EGF: variants seen among roughly 807,000 people sequenced by gnomAD.
EGF encodes epidermal growth factor.
EGF carries 95 observed loss-of-function variants against 143.8 expected under a neutral mutation model. The observed-to-expected ratio is 0.66, with a 90% CI of 0.56 to 0.78. The LOEUF (loss-of-function observed/expected upper bound fraction) is 0.78. Among genes scored for constraint, EGF ranks in the 30% least tolerant of loss-of-function variants. The probability of loss-of-function intolerance (pLI) is 0.00; values close to 1 mark genes in which losing one functional copy is unlikely to be tolerated. For missense variants in EGF, 1,320 were observed against 1,470.9 expected, an observed-to-expected ratio of 0.90 and a Z score of 1.68; for synonymous variants, 510 against 510.5, an observed-to-expected ratio of 1.00 and a Z score of 0.01.
Position 109,960,912 on chromosome 4 carries a change from G to C in EGF, c.1112G>C (p.Cys371Ser), listed in dbSNP as rs750565511. 6.6e-5 allele frequency: 106 copies of C among 1,613,816 alleles called. No homozygotes were observed. Among genetic ancestry groups the C allele is most frequent in the Non-Finnish European group, 8.7e-5 (103 of 1,179,890 alleles). ...TGGAATCATGGCTGTACTCTTGGGT[G>C]TAAAAACACCCCTGGATCCTATTAC... is the stretch of plus-strand genomic sequence containing the variant. ...AFWNHGCTLG[C>S]KNTPGSYYCT... Residue 371 changes from cysteine to serine, a missense_variant, in exon 7 of 24, where the codon TGT (cysteine) becomes TCT (serine). Transcript: ENST00000265171.
intron 15 of EGF, among the ~76,000 whole-genome samples, chr4:109,981,711 A>G (rs942675784): frequency 6.6e-6 from 1 of 152,196 alleles, no homozygotes; most frequent in African/African-American, 2.4e-5. Context: ...AATAAACAAA[A>G]GTTATGCAAT....
intron 1 of EGF, among the ~76,000 whole-genome samples, chr4:109,928,744 G>C (rs1234748605): frequency 6.6e-6 from 1 of 152,134 alleles, no homozygotes; most frequent in African/African-American, 2.4e-5. Flanking sequence ...GAATTTGGTT[G>C]TCCTATTGCT....
At chr4:109,969,213 A>T in intron 11 of EGF, 94 bp downstream of exon 11, 1 of 1,558,476 alleles carries the variant, frequency 6.4e-7, no homozygotes, top group South Asian at 1.1e-5. Flanking sequence ...ACACAGAAAA[A>T]TGTTGCTGGG....
chr4:109,989,887 G>T (rs1476107461), intron 18 of EGF, among the ~76,000 whole-genome samples: 1 of 151,902 alleles, frequency 6.6e-6, no homozygotes, highest in Non-Finnish European at 1.5e-5. Context: ...GAAAGCAGTG[G>T]GCTTGCTCCT....
In EGF at chr4:110,011,534, A is replaced by G. The variant is rs1235926876; in HGVS notation, c.*79A>G. The stretch of plus-strand genomic sequence containing the variant: ...TCTTTTCTTTCAAAAGTAGAGCAAA[A>G]CTATAGGTTTTGGTTCCACAATCTC... On this transcript the variant is annotated 3_prime_UTR_variant, in exon 24 of 24. Coordinates refer to ENST00000265171, the MANE Select transcript of EGF (RefSeq NM_001963.6). 1 of 1,608,516 alleles carries G rather than the reference A, an allele frequency of 6.2e-7. No individual in the cohort carries two copies. The highest frequency in any genetic ancestry group is 8.5e-7 in the Non-Finnish European group (1 of 1,177,886).
chr4:109,922,718 G>C (rs1468315334), intron 1 of EGF, among the ~76,000 whole-genome samples: 5 of 151,642 alleles, frequency 3.3e-5, no homozygotes, highest in African/African-American at 1.2e-4. Flanking sequence ...AACGCCCTAT[G>C]TCTGGCATGT....
chr4:110,008,231 G>A lies in EGF; in HGVS notation c.3370+1G>A. On this transcript the variant is annotated splice_donor_variant, in intron 23 of 23. Coordinates refer to ENST00000265171, the MANE Select transcript of EGF (RefSeq NM_001963.6). LOFTEE classifies it high-confidence loss of function. ...GGTGAGGATGGCCAGGCAGCAGATG[G>A]TCAGTTTTTATCCCTGGCTCCTGGT... is the stretch of plus-strand genomic sequence containing the variant. The A allele has an allele frequency of 1.9e-6, 3 of 1,613,964 alleles. No homozygotes were observed. The highest frequency in any genetic ancestry group is 2.5e-6 in the Non-Finnish European group (3 of 1,179,950).
At chr4:109,948,226 G>A (rs1486953358) in intron 5 of EGF, among the ~76,000 whole-genome samples, 1 of 152,220 alleles carries the variant, frequency 6.6e-6, no homozygotes, top group Admixed American at 6.5e-5. Flanking sequence ...ATTGGAGATT[G>A]GCTCCAGTTA....
chr4:110,004,612 C>T lies in EGF; in HGVS notation c.3281C>T (p.Pro1094Leu). ...ADTEDGMSSC[P>L]QPWFVVIKEH... is the part of the protein sequence containing the mutation. ...ACTGAGGATGGGATGTCCTCTTGCC[C>T]TCAACCTTGGGTAATGTGACCAAAG... The change falls in exon 22 of 24, where the codon CCT (proline) becomes CTT (leucine). Residue 1094 changes from proline (P) to leucine (L), a missense_variant. By Grantham distance (98) the Pro-to-Leu change is moderately conservative. Around this residue, in one of 5 missense-constraint regions of EGF, gnomAD observed 1,186 missense variants for 1,313.7 expected, o/e 0.90. Coordinates refer to ENST00000265171, the MANE Select transcript of EGF (RefSeq NM_001963.6). 3.1e-6 allele frequency: 5 copies of T among 1,613,864 alleles called. No homozygotes were observed. The highest frequency in any genetic ancestry group is 2.2e-5 in the East Asian group (1 of 44,892).
At position 109,976,153 on chromosome 4, in the gene EGF, C is replaced by T. The variant is rs1388074999; in HGVS notation, c.1971C>T (p.Tyr657=). The part of the protein sequence containing the change: ...ITIDFLTDKL[Y]WCDAKQSVIE... ...TTGACTTCTTAACTGACAAGTTGTA[C>T]TGGTGCGATGCCAAGCAGTCTGTGA... The change falls in exon 13 of 24, where the codon TAC becomes TAT. Residue 657 remains tyrosine, a synonymous_variant. Transcript: ENST00000265171. The T allele has an allele frequency of 1.9e-6, 3 of 1,614,150 alleles. No homozygotes were observed. Among genetic ancestry groups the T allele is most frequent in the South Asian group, 2.2e-5 (2 of 91,084 alleles).
intron 5 of EGF, among the ~76,000 whole-genome samples, chr4:109,954,975 G>A (rs1560685230): frequency 6.6e-6 from 1 of 152,198 alleles, no homozygotes; most frequent in South Asian, 2.1e-4. Context: ...TTTGTTATGT[G>A]CTAAATATTG....
intron 21 of EGF, among the ~76,000 whole-genome samples, chr4:110,002,274 C>G (rs1428876880): frequency 6.6e-6 from 1 of 152,100 alleles, no homozygotes; most frequent in Non-Finnish European, 1.5e-5. Context: ...AGGCAGATTG[C>G]TTGAGCCCAG....
At chr4:109,961,124 G>A (rs1192719875) in intron 7 of EGF, 135 bp downstream of exon 7, 2 of 1,065,434 alleles carry the variant, frequency 1.9e-6, no homozygotes, top group African/African-American at 3.1e-5. Flanking sequence ...TATTTTGTTT[G>A]GCTTTTTAAA....
chr4:109,993,155 T>A, intron 18 of EGF, 92 bp from the exon 19 acceptor site: 1 of 1,547,956 alleles, frequency 6.5e-7, no homozygotes, highest in Admixed American at 1.7e-5. Flanking sequence ...TGACAGAAGC[T>A]GATGAAGCTC....
At chr4:109,915,878 G>T (rs183329758) in intron 1 of EGF, among the ~76,000 whole-genome samples, 13 of 152,230 alleles carry the variant, frequency 8.5e-5, no homozygotes, top group African/African-American at 2.9e-4. Flanking sequence ...AACACAATTA[G>T]GTTTCTTTCT....
intron 19 of EGF, 125 bp from the exon 20 acceptor site, chr4:109,994,608 T>TAGAA (rs1407780103): frequency 9.0e-7 from 1 of 1,111,078 alleles, no homozygotes; most frequent in African/African-American, 1.5e-5. Context: ...TTGTCCCTTC[T>TAGAA]AGTAGTTCTT....
At chr4:109,985,924 CT>C (rs781265251) in intron 16 of EGF, among the ~76,000 whole-genome samples, 15 of 152,184 alleles carry the variant, frequency 9.9e-5, no homozygotes, top group Non-Finnish European at 2.1e-4. Context: ...CAATATCTTT[CT>C]TTGTCATCCT....
At chr4:109,940,391 G>C (rs994676877) in intron 1 of EGF, among the ~76,000 whole-genome samples, 3 of 152,174 alleles carry the variant, frequency 2.0e-5, no homozygotes, top group African/African-American at 7.2e-5. Flanking sequence ...AAAGATAACA[G>C]GGTCAAAATA....
At chr4:109,993,009 A>G (rs1451743313) in intron 18 of EGF, among the ~76,000 whole-genome samples, 2 of 151,678 alleles carry the variant, frequency 1.3e-5, no homozygotes, top group Non-Finnish European at 2.9e-5. Flanking sequence ...TGACGAGTTA[A>G]TGGGTGCAGC....
Sources: gnomAD v4.1 joint callset for allele counts (sites outside exome capture counted in the v4.1 genomes callset) on GRCh38, gnomAD v4.1.1 for gene constraint, gnomAD v4.1.1 regional missense constraint, MANE v1.5 for transcripts, NCBI Gene and HGNC (gene_info 2026-07-23, HGNC 2026-07-21) for gene names.